Variants in GATAD2B observed in about 807,000 individuals in gnomAD.
GATAD2B encodes the protein GATA zinc finger domain containing 2B.
A neutral mutation model predicts 64.3 loss-of-function variants in GATAD2B; 8 were observed. The observed-to-expected ratio is 0.12, with a 90% CI of 0.07 to 0.22. GATAD2B has a LOEUF of 0.22. Ranked by LOEUF, GATAD2B falls within the 10% of genes least tolerant of loss-of-function variation. The pLI, the probability that GATAD2B is intolerant of heterozygous loss-of-function variation, is 1.00. For synonymous variants in GATAD2B, 281 were observed against 271.3 expected (o/e 1.04, Z -0.35); for missense variants, 453 against 752.0 (o/e 0.60, Z 4.65).
intron 1 of GATAD2B, 45 bp downstream of exon 1, chr1:153,922,688 C>CCGGGCGGG (rs1307697842): frequency 5.2e-5 from 8 of 152,436 alleles, no homozygotes; most frequent in African/African-American, 1.9e-4. Flanking sequence ...CTCACCGCCC[C>CCGGGCGGG]CGGGCGGGCG....
intron 2 of GATAD2B, among the ~76,000 whole-genome samples, chr1:153,823,146 AAG>A (rs1193613914): frequency 6.6e-6 from 1 of 152,196 alleles, no homozygotes; most frequent in Non-Finnish European, 1.5e-5. Flanking sequence ...TAAACATTCC[AAG>A]AGAGAAATTA....
At chr1:153,869,350 T>C (rs1324366810) in intron 1 of GATAD2B, among the ~76,000 whole-genome samples, 1 of 152,058 alleles carries the variant, frequency 6.6e-6, no homozygotes, top group Non-Finnish European at 1.5e-5. Flanking sequence ...GCCTAATGTT[T>C]CCATTATTCC....
intron 1 of GATAD2B, among the ~76,000 whole-genome samples, chr1:153,850,840 G>C (rs1675866527): frequency 6.6e-6 from 1 of 151,786 alleles, no homozygotes; most frequent in Admixed American, 6.6e-5. Flanking sequence ...AGAATCGCTT[G>C]AACCTAGGAG....
At chr1:153,891,193 C>T (rs1263621228) in intron 1 of GATAD2B, among the ~76,000 whole-genome samples, 2 of 107,748 alleles carry the variant, frequency 1.9e-5, no homozygotes, top group Admixed American at 2.0e-4. Context: ...AAGAAACACA[C>T]AAATAAAAAA....
intron 1 of GATAD2B, among the ~76,000 whole-genome samples, chr1:153,842,178 G>C (rs1366428420): frequency 6.6e-6 from 1 of 152,188 alleles, no homozygotes; most frequent in African/African-American, 2.4e-5. Context: ...GGATAGGTGT[G>C]TGGTAATATT....
At chr1:153,824,221 G>A (rs551715857) in intron 2 of GATAD2B, among the ~76,000 whole-genome samples, 1 of 150,504 alleles carries the variant, frequency 6.6e-6, no homozygotes, top group East Asian at 1.9e-4. Flanking sequence ...TGAGGAAATA[G>A]TGCACTATGA....
At chr1:153,852,655 G>A (rs1675942885) in intron 1 of GATAD2B, 1 of 864,804 alleles carries the variant, frequency 1.2e-6, no homozygotes, top group Non-Finnish European at 2.0e-6. Flanking sequence ...GAACGGAGCT[G>A]AGAAATGGTC....
At position 153,813,142 on chromosome 1, in the gene GATAD2B, C is replaced by G. The variant is rs1049560575; in HGVS notation, c.1419+108G>C. The stretch of plus-strand genomic sequence containing the variant: ...CAATGATAAGGAGACAAAAAGGGAA[C>G]CTGTGGACCTGTAGGGATCACATGA... On this transcript the variant is annotated intron_variant, in intron 8 of 10. Coordinates refer to ENST00000368655, the MANE Select transcript of GATAD2B (RefSeq NM_020699.4). 1.8e-5 allele frequency: 14 copies of G among 773,266 alleles called. No individual in the cohort carries two copies. The East Asian group carries it at 2.9e-4, about 16-fold the overall frequency. 47.9% of individuals were successfully genotyped at this position (773,266 alleles called of 1,614,324 possible).
rs796554492 is a variant in GATAD2B, at chr1:153,831,334, T to TG, written c.-1-2987dup. 3.3e-5 allele frequency among the ~76,000 whole-genome samples: 5 copies of TG among 152,024 alleles called. 1 individual carries two copies. Among genetic ancestry groups the TG allele is most frequent in the African/African-American group, 9.6e-5 (4 of 41,480 alleles). ...GGGAACATCACACACCTGGGTCTGTTGGGGGGTAGGAGGCAAAAGGAAGGA... is the reference window on the plus strand; with the variant it reads ...GGGAACATCACACACCTGGGTCTGTTGGGGGGGTAGGAGGCAAAAGGAAGGA... On this transcript the variant is annotated intron_variant, in intron 1 of 10. Transcript: ENST00000368655.
intron 2 of GATAD2B, among the ~76,000 whole-genome samples, chr1:153,826,989 A>G (rs528247936): frequency 6.6e-6 from 1 of 151,240 alleles, no homozygotes; most frequent in Non-Finnish European, 1.5e-5. Flanking sequence ...GTGCATGTCC[A>G]TAATCCGGCA....
intron 1 of GATAD2B, among the ~76,000 whole-genome samples, chr1:153,859,597 G>C (rs1405449334): frequency 6.6e-6 from 1 of 151,054 alleles, no homozygotes; most frequent in African/African-American, 2.4e-5. Context: ...TTGAACCCAG[G>C]AGGTGGAGGC....
At chr1:153,818,759 T>A in intron 4 of GATAD2B, 32 bp downstream of exon 4, 2 of 1,600,558 alleles carry the variant, frequency 1.2e-6, no homozygotes, top group South Asian at 2.2e-5. Flanking sequence ...TTCTTTCCTT[T>A]CCCTTAGTCC....
intron 1 of GATAD2B, among the ~76,000 whole-genome samples, chr1:153,841,793 G>C (rs951257784): frequency 6.6e-6 from 1 of 152,082 alleles, no homozygotes; most frequent in African/African-American, 2.4e-5. Flanking sequence ...CATTTATCTG[G>C]GATAAATGCC....
At chr1:153,861,727 A>G (rs1424055463) in intron 1 of GATAD2B, among the ~76,000 whole-genome samples, 1 of 146,302 alleles carries the variant, frequency 6.8e-6, no homozygotes, top group East Asian at 2.0e-4. Flanking sequence ...GGTTTCAGTG[A>G]GCTGAGATCA....
At chr1:153,827,931 C>A in intron 2 of GATAD2B, 82 bp downstream of exon 2, 1 of 930,916 alleles carries the variant, frequency 1.1e-6, no homozygotes, top group South Asian at 1.6e-5. Context: ...TGAAAAACAC[C>A]CTCCTCTCAT....
chr1:153,845,485 C>T (rs954371453), intron 1 of GATAD2B, among the ~76,000 whole-genome samples: 7 of 152,106 alleles, frequency 4.6e-5, no homozygotes, highest in African/African-American at 1.7e-4. Flanking sequence ...GTGGCTCACA[C>T]CTATAATCCC....
chr1:153,906,216 G>C (rs146139984), intron 1 of GATAD2B, among the ~76,000 whole-genome samples: 2 of 151,882 alleles, frequency 1.3e-5, no homozygotes, highest in Non-Finnish European at 2.9e-5. Flanking sequence ...TCAGGAGTTC[G>C]AGACCAGCCT....
intron 6 of GATAD2B, 105 bp downstream of exon 6, chr1:153,817,267 T>C: frequency 9.1e-7 from 1 of 1,102,298 alleles, no homozygotes; most frequent in Non-Finnish European, 1.3e-6. Flanking sequence ...ATTTTTGTCC[T>C]AGAGTTTATC....
chr1:153,811,146 C>T (rs1315598462), intron 10 of GATAD2B, among the ~76,000 whole-genome samples: 3 of 152,138 alleles, frequency 2.0e-5, no homozygotes, highest in African/African-American at 7.2e-5. Context: ...AGTGATTCGC[C>T]TGCCTCGGCC....
Sources: allele counts gnomAD v4.1 joint callset (sites outside exome capture counted in the v4.1 genomes callset), GRCh38; gene constraint gnomAD v4.1.1; transcripts MANE v1.5; gene names NCBI Gene and HGNC (gene_info 2026-07-23, HGNC 2026-07-21).